PLEKHA5: variants seen among roughly 807,000 people sequenced by gnomAD.
The protein encoded by PLEKHA5 is pleckstrin homology domain containing A5, also known as pleckstrin homology domain-containing family A member 5.
PLEKHA5 carries 55 observed loss-of-function variants against 181.9 expected under a neutral mutation model. The ratio of observed to expected loss-of-function variants is 0.30; its 90% CI spans 0.24 to 0.38. The LOEUF is 0.38. Among genes scored for constraint, PLEKHA5 ranks in the 10% least tolerant of loss-of-function variants. PLEKHA5 has a pLI of 1.00. For missense variants in PLEKHA5, 1,432 were observed against 1,549.5 expected, an observed-to-expected ratio of 0.92 and a Z score of 1.27; for synonymous variants, 535 against 529.4, an observed-to-expected ratio of 1.01 and a Z score of -0.15.
chr12:19,187,464 A>G (rs931585275), intron 3 of PLEKHA5, among the ~76,000 whole-genome samples: 1 of 152,158 alleles, frequency 6.6e-6, no homozygotes, highest in Admixed American at 6.5e-5. Context: ...GTCTGGGGCT[A>G]GAGGAACTGT....
intron 20 of PLEKHA5, among the ~76,000 whole-genome samples, chr12:19,333,956 T>C (rs554654662): frequency 7.2e-5 from 11 of 152,248 alleles, no homozygotes; most frequent in African/African-American, 2.2e-4. Flanking sequence ...TACTTTTTAT[T>C]GAAAGCACTA....
chr12:19,247,735 C>T (rs572136180), intron 3 of PLEKHA5, among the ~76,000 whole-genome samples: 1 of 151,172 alleles, frequency 6.6e-6, no homozygotes, highest in South Asian at 2.1e-4. Context: ...TTATCAATTC[C>T]TTGGTATCTT....
chr12:19,224,247 A>G (rs2059383573), intron 3 of PLEKHA5, among the ~76,000 whole-genome samples: 1 of 152,234 alleles, frequency 6.6e-6, no homozygotes, highest in African/African-American at 2.4e-5. Flanking sequence ...GATACTGCTT[A>G]GGATGAGACT....
intron 15 of PLEKHA5, among the ~76,000 whole-genome samples, chr12:19,298,408 C>CTTTTTTT (rs533661916): frequency 6.6e-5 from 7 of 106,314 alleles, no homozygotes; most frequent in East Asian, 2.8e-4. Flanking sequence ...ATTTTTTTAG[C>CTTTTTTT]TTTTTTTTTT....
At chr12:19,290,621 A>G in intron 13 of PLEKHA5, 56 bp from the exon 14 acceptor site, 1 of 1,473,504 alleles carries the variant, frequency 6.8e-7, no homozygotes, top group South Asian at 1.3e-5. Flanking sequence ...TCTGTCACTT[A>G]AGACAACAAT....
At chr12:19,303,142 G>A (rs1212718460) in intron 15 of PLEKHA5, among the ~76,000 whole-genome samples, 3 of 151,558 alleles carry the variant, frequency 2.0e-5, no homozygotes, top group South Asian at 2.1e-4. Flanking sequence ...GGCTGGTCTC[G>A]AACTCCTGAA....
At position 19,301,016 on chromosome 12, in the gene PLEKHA5, G is replaced by A. The variant is rs1305188743; in HGVS notation, c.2037+9319G>A. Among the ~76,000 whole-genome samples the A allele has an allele frequency of 3.3e-5, 5 of 151,352 alleles. No individual in the cohort carries two copies. In the East Asian group the frequency reaches 9.7e-4, roughly 29 times the overall value. ...AAATACAAAATTAGCCTGGTGTGGT[G>A]GCACATACCTGTAATCCCAGCTACT... On this transcript the variant is annotated intron_variant, in intron 15 of 31. Coordinates refer to ENST00000429027, the MANE Select transcript of PLEKHA5 (RefSeq NM_001256470.2).
intron 3 of PLEKHA5, among the ~76,000 whole-genome samples, chr12:19,159,859 A>C (rs2042573966): frequency 6.6e-6 from 1 of 152,136 alleles, no homozygotes. Flanking sequence ...CAGTGAATTC[A>C]TTTTTTATGT....
intron 3 of PLEKHA5, among the ~76,000 whole-genome samples, chr12:19,246,227 C>T (rs986561096): frequency 6.6e-6 from 1 of 151,874 alleles, no homozygotes; most frequent in Non-Finnish European, 1.5e-5. Context: ...ATCCACCCGC[C>T]TTGGCCTCCC....
chr12:19,199,796 A>G (rs924631596), intron 3 of PLEKHA5, among the ~76,000 whole-genome samples: 2 of 152,148 alleles, frequency 1.3e-5, no homozygotes, highest in Non-Finnish European at 2.9e-5. Context: ...TGAAATCTCA[A>G]ACTTTTTGAA....
At chr12:19,254,773 A>G (rs922733545) in intron 4 of PLEKHA5, among the ~76,000 whole-genome samples, 1 of 152,228 alleles carries the variant, frequency 6.6e-6, no homozygotes, top group Non-Finnish European at 1.5e-5. Context: ...CAGTGAACCA[A>G]GATTACGCCA....
chr12:19,275,019 C>T (rs750520226), intron 11 of PLEKHA5, 36 bp downstream of exon 11: 28 of 1,396,716 alleles, frequency 2.0e-5, no homozygotes, highest in South Asian at 1.3e-4. Context: ...ACCCAGGTTT[C>T]TTTGATGCTG....
At chr12:19,334,829 A>AAAAAAAAAATATATATATAT in intron 20 of PLEKHA5, among the ~76,000 whole-genome samples, 1 of 18,602 alleles carries the variant, frequency 5.4e-5, no homozygotes, top group Non-Finnish European at 1.4e-4. Flanking sequence ...AAAAAAAAAA[A>AAAAAAAAAATATATATATAT]ATATATATAT....
intron 15 of PLEKHA5, among the ~76,000 whole-genome samples, chr12:19,296,352 G>C (rs1281161893): frequency 6.6e-6 from 1 of 152,016 alleles, no homozygotes; most frequent in Non-Finnish European, 1.5e-5. Context: ...TCCGAGACCA[G>C]CCTGGGACAA....
intron 10 of PLEKHA5, among the ~76,000 whole-genome samples, chr12:19,270,648 C>T (rs1286248867): frequency 6.6e-6 from 1 of 152,126 alleles, no homozygotes; most frequent in East Asian, 1.9e-4. Context: ...GATTCTCAGA[C>T]TACATAAATA....
At chr12:19,263,420 G>A (rs1160462126) in intron 7 of PLEKHA5, among the ~76,000 whole-genome samples, 1 of 152,100 alleles carries the variant, frequency 6.6e-6, no homozygotes, top group Non-Finnish European at 1.5e-5. Context: ...TCTTAATCAC[G>A]AGTTTTTGCC....
chr12:19,286,058 C>T (rs1399060561), intron 12 of PLEKHA5, among the ~76,000 whole-genome samples: 2 of 152,158 alleles, frequency 1.3e-5, no homozygotes, highest in Non-Finnish European at 2.9e-5. Flanking sequence ...CTGATAACAA[C>T]GTTTGAGTTT....
At chr12:19,244,195 G>C (rs376696545) in intron 3 of PLEKHA5, among the ~76,000 whole-genome samples, 7 of 152,144 alleles carry the variant, frequency 4.6e-5, no homozygotes, top group African/African-American at 1.7e-4. Context: ...ACAAGACACT[G>C]TGTGATTTCT....
At chr12:19,185,994 CATTT>C (rs1353001196) in intron 3 of PLEKHA5, among the ~76,000 whole-genome samples, 1 of 152,128 alleles carries the variant, frequency 6.6e-6, no homozygotes, top group Non-Finnish European at 1.5e-5. Context: ...GATTGCATTT[CATTT>C]GTTATCTGTC....
Sources: gnomAD v4.1 joint callset for allele counts (sites outside exome capture counted in the v4.1 genomes callset) on GRCh38, gnomAD v4.1.1 for gene constraint, MANE v1.5 for transcripts, NCBI Gene and HGNC (gene_info 2026-07-23, HGNC 2026-07-21) for gene names.